Variants in TM7SF3 observed in about 807,000 individuals in gnomAD.
TM7SF3 encodes transmembrane 7 superfamily member 3.
In TM7SF3, 60 loss-of-function variants were observed where a neutral mutation model predicts 65.5. The ratio of observed to expected loss-of-function variants is 0.92; its 90% CI spans 0.74 to 1.14. The LOEUF (loss-of-function observed/expected upper bound fraction) is 1.14. Ranked by LOEUF, TM7SF3 falls within the 50% of genes most tolerant of loss-of-function variation. The probability of loss-of-function intolerance (pLI) is 0.00; values close to 1 mark genes in which losing one functional copy is unlikely to be tolerated. For synonymous variants in TM7SF3, 264 were observed against 259.6 expected, an observed-to-expected ratio of 1.02 and a Z score of -0.16; for missense variants, 623 against 684.8, an observed-to-expected ratio of 0.91 and a Z score of 1.01.
At chr12:26,998,545 T>C (rs1940698041) in intron 3 of TM7SF3, among the ~76,000 whole-genome samples, 1 of 152,210 alleles carries the variant, frequency 6.6e-6, no homozygotes. Context: ...ACTATTTCCC[T>C]GCTGCCCAAA....
intron 7 of TM7SF3, among the ~76,000 whole-genome samples, chr12:26,982,419 C>T (rs982106817): frequency 6.6e-6 from 1 of 152,004 alleles, no homozygotes. Flanking sequence ...TCACACAGTC[C>T]TCTCACCTCA....
chr12:27,003,707 G>A (rs1940923672), intron 1 of TM7SF3, among the ~76,000 whole-genome samples: 1 of 152,214 alleles, frequency 6.6e-6, no homozygotes, highest in Non-Finnish European at 1.5e-5. Flanking sequence ...CTGGAACAGA[G>A]TCCCTGAATT....
chr12:26,989,147 A>G (rs1384984779), intron 6 of TM7SF3, among the ~76,000 whole-genome samples: 1 of 152,118 alleles, frequency 6.6e-6, no homozygotes, highest in Non-Finnish European at 1.5e-5. Flanking sequence ...AGTCAAAGTT[A>G]TACACGGGTG....
Position 26,985,050 on chromosome 12 carries a change from T to A in TM7SF3, c.869-2191A>T, listed in dbSNP as rs566043967. 2.0e-5 allele frequency among the ~76,000 whole-genome samples: 3 copies of A among 152,280 alleles called. No homozygotes were observed. The South Asian group carries it at 6.2e-4, about 32-fold the overall frequency. On this transcript the variant is annotated intron_variant, in intron 6 of 11. Transcript: ENST00000343028. ...ACTAACATCACTAGGAAGGTTCAACTTTGGGCGGGAAGAACAACTGGATCA... is the reference window on the plus strand; with the variant it reads ...ACTAACATCACTAGGAAGGTTCAACATTGGGCGGGAAGAACAACTGGATCA...
chr12:27,004,943 A>G (rs1940972793), intron 1 of TM7SF3, among the ~76,000 whole-genome samples: 1 of 152,208 alleles, frequency 6.6e-6, no homozygotes, highest in Non-Finnish European at 1.5e-5. Context: ...ATATTAAGGA[A>G]TGGCCAATAG....
At chr12:26,982,931 C>A in intron 6 of TM7SF3, 72 bp from the exon 7 acceptor site, 2 of 1,110,708 alleles carry the variant, frequency 1.8e-6, no homozygotes, top group Non-Finnish European at 2.5e-6. Flanking sequence ...ATAGAACGAA[C>A]CTTCATCAAA....
chr12:27,004,376 G>C (rs573986423), intron 1 of TM7SF3, among the ~76,000 whole-genome samples: 1 of 152,068 alleles, frequency 6.6e-6, no homozygotes, highest in East Asian at 1.9e-4. Context: ...TAAACAAACA[G>C]ACAAAAGATT....
intron 3 of TM7SF3, among the ~76,000 whole-genome samples, chr12:26,997,794 C>T (rs1940658444): frequency 6.6e-6 from 1 of 151,504 alleles, no homozygotes; most frequent in African/African-American, 2.4e-5. Flanking sequence ...GTTCTCTTGA[C>T]CTCTCCGTAG....
At chr12:27,006,652 T>C (rs898999693) in intron 1 of TM7SF3, among the ~76,000 whole-genome samples, 7 of 152,224 alleles carry the variant, frequency 4.6e-5, no homozygotes, top group Non-Finnish European at 7.3e-5. Context: ...CTGCTAACAG[T>C]TGGGATATAT....
intron 1 of TM7SF3, among the ~76,000 whole-genome samples, chr12:27,004,152 C>T (rs967472524): frequency 4.6e-5 from 7 of 152,212 alleles, no homozygotes; most frequent in Admixed American, 6.5e-5. Context: ...ATCTCACTGA[C>T]TCTGTCCCCA....
chr12:26,999,088 T>C (rs889344001), intron 3 of TM7SF3, among the ~76,000 whole-genome samples: 2 of 152,210 alleles, frequency 1.3e-5, no homozygotes, highest in Non-Finnish European at 2.9e-5. Context: ...GTGCTAATTC[T>C]CTTACTATAA....
rs778995270 is a variant in TM7SF3 at position 26,979,961 on chromosome 12, G to T, written c.1037-25C>A. The T allele has an allele frequency of 2.5e-6, 4 of 1,613,758 alleles. No homozygotes were observed. The East Asian group carries it at 8.9e-5, about 36-fold the overall frequency. On this transcript the variant is annotated intron_variant, in intron 8 of 11. Coordinates refer to ENST00000343028, the MANE Select transcript of TM7SF3 (RefSeq NM_016551.3). Reference sequence around the variant, plus strand: ...ACTGTACAAAGAGAGAGGATGAACTGCTGGATAACCGGCAGTACTTCCAAC... The same window carrying T: ...ACTGTACAAAGAGAGAGGATGAACTTCTGGATAACCGGCAGTACTTCCAAC...
intron 6 of TM7SF3, among the ~76,000 whole-genome samples, chr12:26,988,583 G>T (rs1232572233): frequency 6.6e-6 from 1 of 151,810 alleles, no homozygotes; most frequent in Non-Finnish European, 1.5e-5. Context: ...ATTTTACTAT[G>T]GTTATGTAAG....
At chr12:26,993,529 T>A (rs539090442) in intron 5 of TM7SF3, among the ~76,000 whole-genome samples, 3 of 152,314 alleles carry the variant, frequency 2.0e-5, no homozygotes, top group Admixed American at 2.0e-4. Context: ...TACAGGCTGA[T>A]CCATTTTCAG....
intron 6 of TM7SF3, among the ~76,000 whole-genome samples, chr12:26,983,753 C>T (rs926988316): frequency 2.6e-5 from 4 of 152,140 alleles, no homozygotes; most frequent in Non-Finnish European, 5.9e-5. Flanking sequence ...ATATTTATTA[C>T]ACATACACAA....
Position 26,974,040 on chromosome 12 carries a change from A to G in TM7SF3, c.1638T>C (p.Tyr546=). ...YHIPPLRERL[Y]GRLTQIKGLF... ...GCCCTTTAATCTGGGTTAATCGGCC[A>G]TAGAGCCTCTCTCTCAATGGAGGAA... Residue 546 remains tyrosine, a synonymous_variant, in exon 12 of 12, where the codon TAT becomes TAC. Coordinates refer to ENST00000343028, the MANE Select transcript of TM7SF3 (RefSeq NM_016551.3). 1 of 1,614,184 alleles carries G rather than the reference A, an allele frequency of 6.2e-7. No individual in the cohort carries two copies.
chr12:27,001,389 T>G (rs947828209), intron 2 of TM7SF3, among the ~76,000 whole-genome samples: 10 of 152,248 alleles, frequency 6.6e-5, no homozygotes, highest in African/African-American at 2.4e-4. Context: ...TCCTCAGATG[T>G]AGAAATAGGC....
Position 26,995,224 on chromosome 12 carries a change from GA to G in TM7SF3, c.690+12del. 6.2e-7 allele frequency: 1 copy of G among 1,608,006 alleles called. No individual in the cohort carries two copies. Among genetic ancestry groups the G allele is most frequent in the African/African-American group, 1.3e-5 (1 of 74,818 alleles). On this transcript the variant is annotated intron_variant, in intron 5 of 11. Coordinates refer to ENST00000343028, the MANE Select transcript of TM7SF3 (RefSeq NM_016551.3). ...CACAATCCAGCCACACAAATCATGG[GA>G]CTCAGATTTACCTTGAGAGCACTGG...
In TM7SF3 at chr12:26,980,552, T is replaced by C; in HGVS notation, c.1036+14A>G. On this transcript the variant is annotated intron_variant, in intron 8 of 11. Coordinates refer to ENST00000343028, the MANE Select transcript of TM7SF3 (RefSeq NM_016551.3). The stretch of plus-strand genomic sequence containing the variant: ...TTCTTGAATACCCAGTTAAACTATA[T>C]AATTTTCACTTACCATCATACTTGA... 7.6e-7 allele frequency: 1 copy of C among 1,311,540 alleles called. No homozygotes were observed. The highest frequency in any genetic ancestry group is 1.1e-6 in the Non-Finnish European group (1 of 911,870). The allele number at this position is 1,311,540 out of a possible 1,614,324, so 81.2% of individuals were successfully genotyped here. A position where few individuals can be genotyped will look rare whatever the true frequency, so the allele number is the denominator to read the frequency against.
Sources: gnomAD v4.1 joint callset for allele counts (sites outside exome capture counted in the v4.1 genomes callset) on GRCh38, gnomAD v4.1.1 for gene constraint, MANE v1.5 for transcripts, NCBI Gene and HGNC (gene_info 2026-07-23, HGNC 2026-07-21) for gene names.